TTC28: variants seen among roughly 807,000 people sequenced by gnomAD.
TTC28 encodes tetratricopeptide repeat protein 28.
TTC28 carries 61 observed loss-of-function variants against 198.0 expected under a neutral mutation model. The observed-to-expected ratio is 0.31, with a 90% CI of 0.25 to 0.38. The LOEUF is 0.38. Ranked by LOEUF, TTC28 falls within the 10% of genes least tolerant of loss-of-function variation. The pLI, the probability that TTC28 is intolerant of heterozygous loss-of-function variation, is 1.00. For missense variants in TTC28, 2,678 were observed against 3,164.0 expected (o/e 0.85, Z 3.69); for synonymous variants, 1,171 against 1,297.8 (o/e 0.90, Z 2.10).
intron 2 of TTC28, among the ~76,000 whole-genome samples, chr22:28,579,258 A>C (rs1310161011): frequency 6.7e-6 from 1 of 150,288 alleles, no homozygotes; most frequent in Non-Finnish European, 1.5e-5. Context: ...GCTATATGTA[A>C]GTATAGCTAT....
Position 28,107,260 on chromosome 22 carries a change from G to A in TTC28, c.2585C>T (p.Ala862Val). 1 of 1,551,712 alleles carries A rather than the reference G, an allele frequency of 6.4e-7. No homozygotes were observed. Among genetic ancestry groups the A allele is most frequent in the Non-Finnish European group, 8.7e-7 (1 of 1,146,984 alleles). The stretch of plus-strand genomic sequence containing the variant: ...ATTTCCACTTAGCTGCTGCAGCATG[G>A]CCAATTGCTGCTCAAAGTAGCCAAT... ...EAIGYFEQQLAMLQQLSGNES... is the reference protein window; with the variant it reads ...EAIGYFEQQLVMLQQLSGNES... The change falls in exon 7 of 23, where the codon GCC becomes GTC. Residue 862 changes from alanine (A) to valine (V), a missense_variant. Transcript: ENST00000397906.
At chr22:28,176,732 T>C (rs1025726028) in intron 5 of TTC28, among the ~76,000 whole-genome samples, 1 of 152,214 alleles carries the variant, frequency 6.6e-6, no homozygotes, top group Non-Finnish European at 1.5e-5. Flanking sequence ...CATTTTTTAA[T>C]GAGAATTCTC....
chr22:28,012,822 C>A (rs187966022), intron 14 of TTC28, among the ~76,000 whole-genome samples: 4 of 152,114 alleles, frequency 2.6e-5, no homozygotes, highest in African/African-American at 9.7e-5. Flanking sequence ...AGGTGCTTTA[C>A]ACATTTGTCT....
intron 5 of TTC28, among the ~76,000 whole-genome samples, chr22:28,264,045 G>T (rs571078523): frequency 1.1e-4 from 16 of 152,190 alleles, no homozygotes; most frequent in African/African-American, 3.6e-4. Flanking sequence ...CAATTCAGAG[G>T]TTATTGCTTT....
intron 1 of TTC28, among the ~76,000 whole-genome samples, chr22:28,674,424 G>A (rs1326728579): frequency 6.6e-6 from 1 of 151,984 alleles, no homozygotes; most frequent in Non-Finnish European, 1.5e-5. Context: ...CACAGGCAAG[G>A]CATTGTTCTA....
At chr22:28,432,840 T>C (rs992427515) in intron 2 of TTC28, among the ~76,000 whole-genome samples, 4 of 152,322 alleles carry the variant, frequency 2.6e-5, no homozygotes, top group Admixed American at 6.5e-5. Flanking sequence ...TCCCTTGAAA[T>C]TATAAAGTAT....
At chr22:28,615,233 A>T (rs2050884144) in intron 2 of TTC28, among the ~76,000 whole-genome samples, 1 of 152,236 alleles carries the variant, frequency 6.6e-6, no homozygotes, top group Non-Finnish European at 1.5e-5. Flanking sequence ...AGAAATGCAA[A>T]TCAAAACCAC....
intron 13 of TTC28, chr22:28,029,176 A>C: frequency 2.2e-6 from 1 of 463,786 alleles, no homozygotes; most frequent in South Asian, 1.6e-5. Context: ...GAAGGAACTA[A>C]GGGTGAACTA....
intron 5 of TTC28, among the ~76,000 whole-genome samples, chr22:28,281,535 CT>C (rs1010142703): frequency 2.2e-4 from 33 of 152,208 alleles, no homozygotes; most frequent in African/African-American, 7.9e-4. Flanking sequence ...TTTTAAAACT[CT>C]TTTCTATTAA....
At chr22:28,660,240 A>C (rs1235047096) in intron 1 of TTC28, among the ~76,000 whole-genome samples, 1 of 152,244 alleles carries the variant, frequency 6.6e-6, no homozygotes, top group Admixed American at 6.5e-5. Flanking sequence ...TTGTACTATG[A>C]AAATTGATTC....
chr22:28,506,470 G>C (rs1405723598), intron 2 of TTC28, among the ~76,000 whole-genome samples: 2 of 152,132 alleles, frequency 1.3e-5, no homozygotes, highest in African/African-American at 4.8e-5. Context: ...GGTAGACTCA[G>C]CTGTTCCGGT....
chr22:28,306,073 A>G (rs1266698576), intron 3 of TTC28, among the ~76,000 whole-genome samples: 1 of 152,166 alleles, frequency 6.6e-6, no homozygotes, highest in Non-Finnish European at 1.5e-5. Context: ...AGAATGTCAA[A>G]TGTCTTATTT....
At chr22:28,371,956 G>T (rs1399198233) in intron 2 of TTC28, among the ~76,000 whole-genome samples, 1 of 151,498 alleles carries the variant, frequency 6.6e-6, no homozygotes, top group Non-Finnish European at 1.5e-5. Context: ...AGACGTGGTG[G>T]TGTGTGCCTG....
At chr22:28,484,082 T>C (rs2048286853) in intron 2 of TTC28, among the ~76,000 whole-genome samples, 2 of 152,024 alleles carry the variant, frequency 1.3e-5, no homozygotes. Flanking sequence ...CCAAAGTTTT[T>C]TTTATTTTTT....
chr22:28,325,800 A>G (rs2045520359), intron 2 of TTC28, among the ~76,000 whole-genome samples: 1 of 152,186 alleles, frequency 6.6e-6, no homozygotes, highest in South Asian at 2.1e-4. Context: ...ATACCACTAT[A>G]TACCTATTAG....
chr22:28,439,979 G>C (rs1003512597), intron 2 of TTC28, among the ~76,000 whole-genome samples: 1 of 152,092 alleles, frequency 6.6e-6, no homozygotes, highest in Non-Finnish European at 1.5e-5. Flanking sequence ...GGGATTACAG[G>C]CACCGTCACT....
chr22:28,177,402 C>T (rs540867678), intron 5 of TTC28, among the ~76,000 whole-genome samples: 2 of 152,186 alleles, frequency 1.3e-5, no homozygotes, highest in East Asian at 1.9e-4. Context: ...CATTCATAGT[C>T]GGAAGGAATG....
chr22:28,296,042 T>C (rs1398453903), intron 5 of TTC28, among the ~76,000 whole-genome samples, 156 bp downstream of exon 5: 2 of 152,152 alleles, frequency 1.3e-5, no homozygotes, highest in African/African-American at 4.8e-5. Flanking sequence ...GAACACTCAA[T>C]TGTTGATGAA....
chr22:28,361,917 A>G (rs181239452), intron 2 of TTC28, among the ~76,000 whole-genome samples: 217 of 152,346 alleles, frequency 1.4e-3, no homozygotes, highest in Middle Eastern at 6.8e-3. Context: ...ACCTCTGTTT[A>G]CAGCATAGTT....
Sources: gnomAD v4.1 joint callset for allele counts (sites outside exome capture counted in the v4.1 genomes callset) on GRCh38, gnomAD v4.1.1 for gene constraint, MANE v1.5 for transcripts, NCBI Gene and HGNC (gene_info 2026-07-23, HGNC 2026-07-21) for gene names.